The following TRIM44 variants were observed in gnomAD, a reference collection of about 807,000 sequenced individuals.
TRIM44 encodes tripartite motif-containing protein 44.
Under a neutral mutation model 37.4 loss-of-function variants are expected in TRIM44, and 13 were observed. That is an observed-to-expected ratio of 0.35 (90% CI 0.23 to 0.55). TRIM44 has a LOEUF of 0.55. Among genes scored for constraint, TRIM44 ranks in the 20% least tolerant of loss-of-function variants. The probability of loss-of-function intolerance (pLI) is 0.89; values close to 1 mark genes in which losing one functional copy is unlikely to be tolerated. For synonymous variants in TRIM44, 175 were observed against 157.2 expected (o/e 1.11, Z -0.85); for missense variants, 426 against 437.2 (o/e 0.97, Z 0.23).
chr11:35,691,731 AC>A (rs1187908473), intron 2 of TRIM44, among the ~76,000 whole-genome samples: 2 of 151,900 alleles, frequency 1.3e-5, no homozygotes, highest in African/African-American at 4.8e-5. Flanking sequence ...TGTAAGCTCC[AC>A]CTCCCAGGTT....
chr11:35,696,591 C>A (rs1391026089), intron 2 of TRIM44, among the ~76,000 whole-genome samples: 2 of 151,540 alleles, frequency 1.3e-5, no homozygotes, highest in Non-Finnish European at 2.9e-5. Flanking sequence ...GCTCATGCCT[C>A]TAATCCCAGC....
At position 35,673,638 on chromosome 11, in the gene TRIM44, A is replaced by G. The variant is rs539038144; in HGVS notation, c.669+9858A>G. Among the ~76,000 whole-genome samples the G allele has an allele frequency of 7.2e-5, 11 of 152,314 alleles. No individual in the cohort carries two copies. The South Asian group carries it at 2.3e-3, about 32-fold the overall frequency. The stretch of plus-strand genomic sequence containing the variant: ...GAGAGAAAAGGTCCAGGCTTTCTCT[A>G]TTCTCTCTCCTAGAAGTCTGGTGCC... On this transcript the variant is annotated intron_variant, in intron 1 of 4. Transcript: ENST00000299413.
intron 4 of TRIM44, among the ~76,000 whole-genome samples, chr11:35,788,030 T>G (rs577782238): frequency 6.6e-6 from 1 of 152,316 alleles, no homozygotes; most frequent in South Asian, 2.1e-4. Context: ...TTAGGCTACT[T>G]CTAACTCACC....
intron 2 of TRIM44, among the ~76,000 whole-genome samples, chr11:35,725,128 A>G (rs1361719025): frequency 2.0e-5 from 3 of 152,078 alleles, no homozygotes; most frequent in African/African-American, 7.2e-5. Flanking sequence ...TATCATACAG[A>G]TAGTAAAAAT....
At chr11:35,770,299 G>A (rs2133865317) in intron 4 of TRIM44, among the ~76,000 whole-genome samples, 1 of 152,302 alleles carries the variant, frequency 6.6e-6, no homozygotes, top group Admixed American at 6.5e-5. Context: ...TTTATCCAGT[G>A]CACTGCTGAT....
intron 2 of TRIM44, among the ~76,000 whole-genome samples, chr11:35,696,803 T>G (rs971449078): frequency 6.6e-6 from 1 of 150,918 alleles, no homozygotes; most frequent in African/African-American, 2.4e-5. Flanking sequence ...GCCGAGATCA[T>G]GCCATTGCAC....
At chr11:35,717,841 T>A (rs752971219) in intron 2 of TRIM44, among the ~76,000 whole-genome samples, 2 of 151,982 alleles carry the variant, frequency 1.3e-5, no homozygotes, top group Non-Finnish European at 2.9e-5. Flanking sequence ...TTTTTTTTTT[T>A]ATTATAAAAA....
chr11:35,700,945 A>T (rs1171768723), intron 2 of TRIM44, among the ~76,000 whole-genome samples: 1 of 152,206 alleles, frequency 6.6e-6, no homozygotes, highest in Non-Finnish European at 1.5e-5. Flanking sequence ...TTATATAAAC[A>T]TTACACACAC....
At chr11:35,768,020 A>G (rs1852819640) in intron 4 of TRIM44, among the ~76,000 whole-genome samples, 1 of 152,224 alleles carries the variant, frequency 6.6e-6, no homozygotes, top group East Asian at 1.9e-4. Context: ...TGTTGCAGTT[A>G]TAACATTCAC....
chr11:35,741,714 A>G (rs1356542474), intron 4 of TRIM44, among the ~76,000 whole-genome samples: 2 of 152,178 alleles, frequency 1.3e-5, no homozygotes, highest in African/African-American at 2.4e-5. Flanking sequence ...ACTTATCAGG[A>G]TAACATTTCC....
chr11:35,668,930 T>G (rs1240698373), intron 1 of TRIM44, among the ~76,000 whole-genome samples: 2 of 152,234 alleles, frequency 1.3e-5, no homozygotes. Context: ...TTCTTTTTTT[T>G]TCATTCTGTA....
At chr11:35,731,313 A>G (rs961090438) in intron 3 of TRIM44, among the ~76,000 whole-genome samples, 2 of 152,186 alleles carry the variant, frequency 1.3e-5, no homozygotes, top group Non-Finnish European at 2.9e-5. Flanking sequence ...TTTGTGAGAT[A>G]TATCTTCTGT....
chr11:35,707,497 A>C (rs540136418), intron 2 of TRIM44, among the ~76,000 whole-genome samples: 83 of 152,300 alleles, frequency 5.4e-4, no homozygotes, highest in Middle Eastern at 6.8e-3. Flanking sequence ...GTGTCATGCT[A>C]CCTGACTTCA....
chr11:35,800,072 C>G (rs1314882445), intron 4 of TRIM44, among the ~76,000 whole-genome samples: 2 of 149,950 alleles, frequency 1.3e-5, no homozygotes, highest in South Asian at 2.1e-4. Flanking sequence ...CGCTGACTTT[C>G]AAGAATGAAG....
At chr11:35,700,185 A>C (rs914988480) in intron 2 of TRIM44, among the ~76,000 whole-genome samples, 15 of 152,216 alleles carry the variant, frequency 9.9e-5, no homozygotes, top group Non-Finnish European at 1.8e-4. Context: ...TTTGTTTAAG[A>C]GCAGATCAGT....
chr11:35,721,113 G>A (rs543065831), intron 2 of TRIM44, among the ~76,000 whole-genome samples: 3 of 151,764 alleles, frequency 2.0e-5, no homozygotes, highest in South Asian at 2.1e-4. Flanking sequence ...CATGTTGGCC[G>A]GGCTGGTCTC....
At chr11:35,723,353 A>T (rs1393128467) in intron 2 of TRIM44, among the ~76,000 whole-genome samples, 4 of 152,230 alleles carry the variant, frequency 2.6e-5, no homozygotes, top group Non-Finnish European at 4.4e-5. Context: ...TTATAATTTC[A>T]ATACAATGCT....
chr11:35,796,962 A>G (rs1169820993), intron 4 of TRIM44, among the ~76,000 whole-genome samples: 5 of 152,196 alleles, frequency 3.3e-5, no homozygotes. Flanking sequence ...TCCTGTGCCG[A>G]TGTGAGTAAT....
chr11:35,731,203 T>C (rs2135518637), intron 3 of TRIM44, among the ~76,000 whole-genome samples: 1 of 152,326 alleles, frequency 6.6e-6, no homozygotes, highest in African/African-American at 2.4e-5. Context: ...AGTATATTAC[T>C]ATTAAGTATG....
Sources: gnomAD v4.1 joint callset for allele counts (sites outside exome capture counted in the v4.1 genomes callset) on GRCh38, gnomAD v4.1.1 for gene constraint, MANE v1.5 for transcripts, NCBI Gene and HGNC (gene_info 2026-07-23, HGNC 2026-07-21) for gene names.